Variants in FAM153A observed in about 807,000 individuals in gnomAD.
FAM153A encodes the protein family with sequence similarity 153 member A, also known as protein FAM153A.
A neutral mutation model predicts 48.1 loss-of-function variants in FAM153A; 12 were observed. The ratio of observed to expected loss-of-function variants is 0.25; its 90% CI spans 0.16 to 0.40. FAM153A has a LOEUF of 0.40. Among genes scored for constraint, FAM153A ranks in the 10% least tolerant of loss-of-function variants. FAM153A has a pLI of 1.00. For synonymous variants in FAM153A, 36 were observed against 118.2 expected (o/e 0.30, Z 4.51); for missense variants, 111 against 345.8 (o/e 0.32, Z 5.38).
intron 25 of FAM153A, among the ~76,000 whole-genome samples, chr5:177,715,817 A>G (rs1759621270): frequency 2.0e-5 from 3 of 151,096 alleles, no homozygotes; most frequent in Non-Finnish European, 4.4e-5. Flanking sequence ...GATCCTCCCA[A>G]CTCAGCCTCC....
chr5:177,715,608 C>CTTGCCTTCACACTGCGTCTTCCTT (rs1158765731), intron 25 of FAM153A, among the ~76,000 whole-genome samples: 2 of 151,724 alleles, frequency 1.3e-5, no homozygotes, highest in Admixed American at 6.6e-5. Flanking sequence ...CCAGCCTGTA[C>CTTGCCTTCACACTGCGTCTTCCTT]TTGCCTTCAC....
At chr5:177,714,562 A>C (rs1759226331) in intron 25 of FAM153A, among the ~76,000 whole-genome samples, 1 of 91,304 alleles carries the variant, frequency 1.1e-5, no homozygotes, top group Non-Finnish European at 2.0e-5. Context: ...TTAACCTGAA[A>C]ATGTTTTAAA....
At chr5:177,702,257 G>A in the FAM153A span, among the ~76,000 whole-genome samples, 30 of 151,856 alleles carry the variant, frequency 2.0e-4, 1 homozygote, top group Non-Finnish European at 4.1e-4. Flanking sequence ...GCATAGCTGC[G>A]TTGTGCCCCT....
chr5:177,738,975 A>T (rs1765124737), intron 10 of FAM153A, 138 bp downstream of exon 12: 1 of 563,144 alleles, frequency 1.8e-6, no homozygotes, highest in African/African-American at 2.0e-5. Flanking sequence ...GTACACTCTT[A>T]GAAATTTCTT....
chr5:177,751,648 C>A (rs1009202255), intron 1 of FAM153A, among the ~76,000 whole-genome samples: 34 of 146,254 alleles, frequency 2.3e-4, no homozygotes, highest in African/African-American at 6.6e-4. Flanking sequence ...ATGCCCACAT[C>A]GGCCCAGAGA....
At chr5:177,781,843 C>A (rs1468583866), upstream of FAM153A, among the ~76,000 whole-genome samples, 2 of 95,092 alleles carry the variant, frequency 2.1e-5, 1 homozygote, top group East Asian at 6.6e-4. Context: ...CTCAGCCTCC[C>A]GAGTAGCTGG....
At chr5:177,699,792 T>C in the FAM153A span, among the ~76,000 whole-genome samples, 10 of 151,990 alleles carry the variant, frequency 6.6e-5, no homozygotes, top group African/African-American at 2.4e-4. Flanking sequence ...GAGGAATTAA[T>C]ATTAATTGTT....
chr5:177,776,561 T>C (rs1582546014), intron 1 of FAM153A, among the ~76,000 whole-genome samples: 1 of 83,316 alleles, frequency 1.2e-5, no homozygotes, highest in Non-Finnish European at 2.4e-5. Context: ...ACAAGGGATG[T>C]GAAGGACCTC....
downstream of FAM153A, chr5:177,723,008 G>GATGGAAGAGCTGC: frequency 8.3e-6 from 1 of 121,208 alleles, no homozygotes; most frequent in Admixed American, 8.7e-5. Flanking sequence ...GTGCCATCCA[G>GATGGAAGAGCTGC]ACGGAAGAGC....
the FAM153A span, among the ~76,000 whole-genome samples, chr5:177,702,246 T>G: frequency 6.6e-6 from 1 of 151,758 alleles, no homozygotes; most frequent in Non-Finnish European, 1.5e-5. Context: ...AGAACCTGGG[T>G]GCATAGCTGC....
chr5:177,717,660 C>T (rs918611279), downstream of FAM153A, among the ~76,000 whole-genome samples: 8 of 140,966 alleles, frequency 5.7e-5, no homozygotes, highest in Admixed American at 1.4e-4. Flanking sequence ...GACAAACAGA[C>T]GCAAACATCT....
chr5:177,779,454 CAAA>C (rs1769493293), intron 1 of FAM153A: 1 of 112,026 alleles, frequency 8.9e-6, no homozygotes, highest in East Asian at 2.7e-4. Context: ...TAGGTATCTT[CAAA>C]AAATAATCTC....
At chr5:177,715,730 A>G (rs1199144444) in intron 25 of FAM153A, among the ~76,000 whole-genome samples, 3 of 151,772 alleles carry the variant, frequency 2.0e-5, no homozygotes, top group African/African-American at 7.3e-5. Flanking sequence ...TTTTAGAGAC[A>G]GGGCCCACTG....
At chr5:177,737,376 C>G (rs1351307152) in intron 10 of FAM153A, among the ~76,000 whole-genome samples, 1 of 151,372 alleles carries the variant, frequency 6.6e-6, no homozygotes, top group Non-Finnish European at 1.5e-5. Context: ...GGGCACACCA[C>G]ACAGTGTTTC....
chr5:177,714,143 C>G (rs1405108137), intron 25 of FAM153A: 2 of 151,150 alleles, frequency 1.3e-5, no homozygotes, highest in East Asian at 3.9e-4. Context: ...ACTCTAGTCA[C>G]CAAAATCAAG....
intron 24 of FAM153A, among the ~76,000 whole-genome samples, chr5:177,716,964 A>AGTGTGTGT (rs59312087): frequency 0.19 from 24,304 of 127,464 alleles, 2,661 homozygotes; most frequent in South Asian, 0.26. Context: ...ATTCCCGCTT[A>AGTGTGTGT]GTGTGTGTGT....
At chr5:177,702,001 G>A in the FAM153A span, among the ~76,000 whole-genome samples, 18 of 151,502 alleles carry the variant, frequency 1.2e-4, no homozygotes, top group Non-Finnish European at 1.5e-4. Flanking sequence ...TCCGCCTCCC[G>A]GGTTCACGCC....
chr5:177,743,177 A>C, intron 6 of FAM153A, among the ~76,000 whole-genome samples: 2 of 127,976 alleles, frequency 1.6e-5, no homozygotes. Context: ...ACCGAAACCA[A>C]CTGCATTCAC....
the FAM153A span, among the ~76,000 whole-genome samples, chr5:177,697,984 C>T: frequency 1.8e-3 from 264 of 150,374 alleles, 4 homozygotes; most frequent in Middle Eastern, 6.9e-3. Flanking sequence ...GTTTTGGTCA[C>T]TGGTAGCTGT....
Sources: gnomAD v4.1 joint callset for allele counts (sites outside exome capture counted in the v4.1 genomes callset) on GRCh38, gnomAD v4.1.1 for gene constraint, MANE v1.5 for transcripts, NCBI Gene and HGNC (gene_info 2026-07-23, HGNC 2026-07-21) for gene names.